The following WDR17 variants were observed in gnomAD, a reference collection of about 807,000 sequenced individuals.
WDR17 encodes the protein WD repeat-containing protein 17.
A neutral mutation model predicts 161.7 loss-of-function variants in WDR17; 143 were observed. The observed-to-expected ratio is 0.88, with a 90% CI of 0.77 to 1.02. The LOEUF (loss-of-function observed/expected upper bound fraction) is 1.02. WDR17 is among the 50% of genes least tolerant of loss of function. The pLI, the probability that WDR17 is intolerant of heterozygous loss-of-function variation, is 0.00. For missense variants in WDR17, 1,469 were observed against 1,520.9 expected, an observed-to-expected ratio of 0.97 and a Z score of 0.57; for synonymous variants, 517 against 515.6, an observed-to-expected ratio of 1.00 and a Z score of -0.04.
intron 7 of WDR17, among the ~76,000 whole-genome samples, chr4:176,133,499 A>C (rs1187597917): frequency 6.6e-6 from 1 of 151,070 alleles, no homozygotes; most frequent in Non-Finnish European, 1.5e-5. Context: ...ATCTATGTTA[A>C]TTTATAATTC....
chr4:176,095,654 T>C (rs1736741436), intron 1 of WDR17, among the ~76,000 whole-genome samples: 1 of 152,048 alleles, frequency 6.6e-6, no homozygotes, highest in South Asian at 2.1e-4. Flanking sequence ...TTTTCATTAT[T>C]TTACTCATTT....
intron 12 of WDR17, 103 bp downstream of exon 12, chr4:176,146,262 C>T: frequency 8.5e-7 from 1 of 1,172,854 alleles, no homozygotes; most frequent in Non-Finnish European, 1.2e-6. Context: ...TATACAGAGT[C>T]TCCCTCTGTC....
Position 176,097,816 on chromosome 4 carries a change from T to C in WDR17, c.-6-13759T>C, listed in dbSNP as rs185062630. 2.2e-3 allele frequency among the ~76,000 whole-genome samples: 340 copies of C among 151,884 alleles called. 1 individual carries two copies. The highest frequency in any genetic ancestry group is 4.5e-3 in the Admixed American group (69 of 15,202). On this transcript the variant is annotated intron_variant, in intron 1 of 28. Coordinates refer to ENST00000508596, the MANE Select transcript of WDR17 (RefSeq NM_181265.4). ...TATTGTGTGCAGGAATGGGAACTGATTTTAAGAAAAATGCTTTTTAATGAA... is the reference window on the plus strand; with the variant it reads ...TATTGTGTGCAGGAATGGGAACTGACTTTAAGAAAAATGCTTTTTAATGAA...
intron 13 of WDR17, 62 bp from the exon 14 acceptor site, chr4:176,149,745 A>G: frequency 6.3e-7 from 1 of 1,588,122 alleles, no homozygotes; most frequent in Non-Finnish European, 8.6e-7. Flanking sequence ...TATGAAGCAC[A>G]TATAAATAAA....
chr4:176,096,456 A>G, intron 1 of WDR17: 1 of 1,333,128 alleles, frequency 7.5e-7, no homozygotes, highest in Non-Finnish European at 1.1e-6. Flanking sequence ...CATTGTTGTT[A>G]CTTTAGGTGC....
intron 11 of WDR17, among the ~76,000 whole-genome samples, chr4:176,143,566 C>T (rs55739709): frequency 0.32 from 49,276 of 151,724 alleles, 8,782 homozygotes; most frequent in East Asian, 0.45. Flanking sequence ...GTAGTCACAG[C>T]TCCTCGGGAG....
intron 1 of WDR17, among the ~76,000 whole-genome samples, chr4:176,071,221 A>G (rs1733189660): frequency 1.3e-5 from 2 of 151,930 alleles, no homozygotes; most frequent in Admixed American, 6.6e-5. Context: ...TTTATGACAA[A>G]TATTTACTTA....
Position 176,177,473 on chromosome 4 carries a change from C to G in WDR17, c.3551C>G (p.Ser1184Ter). The change falls in exon 28 of 29, where the codon TCA becomes TGA. Residue 1184 changes from serine (S) to a stop codon, truncating the protein, a stop_gained and splice_region_variant. Transcript: ENST00000508596. LOFTEE classifies it high-confidence loss of function. ...TTTGATATCTGTTGAAAATATAGAT[C>G]ATTAGAAGACTCTCCGTATACACCC... ...WRACTQSTNR[S>*]LEDSPYTPPS... 1 of 1,536,486 alleles carries G rather than the reference C, an allele frequency of 6.5e-7. No individual in the cohort carries two copies. The highest frequency in any genetic ancestry group is 8.7e-7 in the Non-Finnish European group (1 of 1,148,724).
At chr4:176,104,189 A>C (rs1369850408) in intron 1 of WDR17, among the ~76,000 whole-genome samples, 1 of 152,118 alleles carries the variant, frequency 6.6e-6, no homozygotes, top group Admixed American at 6.6e-5. Flanking sequence ...GAAGTGAGGG[A>C]GAAATTAATA....
At chr4:176,150,670 A>G in intron 16 of WDR17, 77 bp downstream of exon 16, 1 of 1,382,844 alleles carries the variant, frequency 7.2e-7, no homozygotes, top group South Asian at 1.6e-5. Context: ...AAATGATTTT[A>G]AAAATATATA....
chr4:176,173,326 A>C lies in WDR17; in HGVS notation c.3304A>C (p.Ser1102Arg). The change falls in exon 25 of 29, where the codon AGC (serine) becomes CGC (arginine). Residue 1102 changes from serine (S) to arginine (R), a missense_variant. Ser to Arg is a moderately radical substitution (Grantham distance 110). Coordinates refer to ENST00000508596, the MANE Select transcript of WDR17 (RefSeq NM_181265.4). ...CATATACCCTGTTCTTGACCTACTGAGCTATATTCGTACTGAAAAATTACT... is the reference window on the plus strand; with the variant it reads ...CATATACCCTGTTCTTGACCTACTGCGCTATATTCGTACTGAAAAATTACT... ...DTIYPVLDLL[S>R]YIRTEKLLLH... The C allele has an allele frequency of 6.2e-7, 1 of 1,613,320 alleles. No homozygotes were observed. Among genetic ancestry groups the C allele is most frequent in the Non-Finnish European group, 8.5e-7 (1 of 1,179,788 alleles).
intron 9 of WDR17, among the ~76,000 whole-genome samples, chr4:176,138,984 G>C (rs975890288): frequency 6.6e-6 from 1 of 151,822 alleles, no homozygotes; most frequent in Non-Finnish European, 1.5e-5. Flanking sequence ...GAAGCTGACA[G>C]AAGGCCTCCA....
chr4:176,168,368 A>G (rs112734004), intron 22 of WDR17, among the ~76,000 whole-genome samples: 5 of 152,306 alleles, frequency 3.3e-5, no homozygotes, highest in African/African-American at 7.2e-5. Flanking sequence ...AACATATTCA[A>G]AACTACTTAG....
intron 1 of WDR17, among the ~76,000 whole-genome samples, chr4:176,110,710 A>C (rs758165829): frequency 6.6e-6 from 1 of 152,090 alleles, no homozygotes; most frequent in Non-Finnish European, 1.5e-5. Context: ...CATTTTTTTG[A>C]TCTGAGAGGA....
chr4:176,155,927 C>G (rs568146388), intron 17 of WDR17, 152 bp from the exon 18 acceptor site: 3 of 642,540 alleles, frequency 4.7e-6, no homozygotes, highest in African/African-American at 2.0e-5. Flanking sequence ...GACTACGGAA[C>G]AAAAAGAAGT....
chr4:176,112,507 G>A (rs1012365972), intron 2 of WDR17, among the ~76,000 whole-genome samples: 2 of 152,140 alleles, frequency 1.3e-5, no homozygotes, highest in Admixed American at 1.3e-4. Flanking sequence ...CTCTTACTCT[G>A]TGTTCCAGTT....
At chr4:176,161,081 A>T in intron 20 of WDR17, 79 bp downstream of exon 20, 1 of 1,207,500 alleles carries the variant, frequency 8.3e-7, no homozygotes. Context: ...TCTATAATTC[A>T]TCCTTCTTTG....
In WDR17 at chr4:176,179,628, C is replaced by A. The variant is rs1247529074; in HGVS notation, c.*49C>A. On this transcript the variant is annotated 3_prime_UTR_variant, in exon 29 of 29. Transcript: ENST00000508596. ...ATTTTTTTTTTTAAAGAAAAACTTTCATGGGTTAGCATTACCTTAATCTTT... is the reference window on the plus strand; with the variant it reads ...ATTTTTTTTTTTAAAGAAAAACTTTAATGGGTTAGCATTACCTTAATCTTT... 6.7e-7 allele frequency: 1 copy of A among 1,490,832 alleles called. No homozygotes were observed. Among genetic ancestry groups the A allele is most frequent in the Non-Finnish European group, 8.9e-7 (1 of 1,117,338 alleles). The allele number at this position is 1,490,832 out of a possible 1,614,324, so 92.4% of individuals were successfully genotyped here. A position where few individuals can be genotyped will look rare whatever the true frequency, so the allele number is the denominator to read the frequency against.
At chr4:176,119,797 G>T in intron 3 of WDR17, 70 bp from the exon 4 acceptor site, 2 of 1,314,886 alleles carry the variant, frequency 1.5e-6, no homozygotes, top group South Asian at 2.6e-5. Flanking sequence ...ATGTAAACAG[G>T]GCAAGTAATA....
Sources: allele counts gnomAD v4.1 joint callset (sites outside exome capture counted in the v4.1 genomes callset), GRCh38; gene constraint gnomAD v4.1.1; transcripts MANE v1.5; gene names NCBI Gene and HGNC (gene_info 2026-07-23, HGNC 2026-07-21).